Variants in ZNF331 observed in about 807,000 individuals in gnomAD.
ZNF331 encodes C2H2-like zinc finger protein rearranged in thyroid adenomas.
A neutral mutation model predicts 7.0 loss-of-function variants in ZNF331; 2 were observed. That is an observed-to-expected ratio of 0.29 (90% CI 0.12 to 0.90). The LOEUF is 0.90. ZNF331 is among the 40% of genes least tolerant of loss of function. The pLI, the probability that ZNF331 is intolerant of heterozygous loss-of-function variation, is 0.58. For synonymous variants in ZNF331, 196 were observed against 205.4 expected, an observed-to-expected ratio of 0.95 and a Z score of 0.39; for missense variants, 432 against 587.7, an observed-to-expected ratio of 0.74 and a Z score of 2.74.
chr19:53,562,559 A>G (rs1458720892), intron 3 of ZNF331, among the ~76,000 whole-genome samples: 1 of 150,856 alleles, frequency 6.6e-6, no homozygotes, highest in Non-Finnish European at 1.5e-5. Flanking sequence ...GCATGGTGGC[A>G]AGCGCCTATA....
chr19:53,538,793 T>G (rs947530894), intron 1 of ZNF331: 2 of 152,618 alleles, frequency 1.3e-5, no homozygotes, highest in African/African-American at 2.4e-5. Context: ...GATGCAGGTG[T>G]GTGTGACAGT....
chr19:53,556,104 G>T (rs574611816), intron 3 of ZNF331, among the ~76,000 whole-genome samples, 196 bp downstream of exon 3: 4 of 151,746 alleles, frequency 2.6e-5, no homozygotes, highest in African/African-American at 4.8e-5. Flanking sequence ...TTAGCCGGGA[G>T]TGGTGGTGGG....
chr19:53,567,239 C>A (rs943882067), intron 3 of ZNF331, among the ~76,000 whole-genome samples: 1 of 152,140 alleles, frequency 6.6e-6, no homozygotes, highest in African/African-American at 2.4e-5. Flanking sequence ...AAAAACAGTT[C>A]TGTATATTAC....
Position 53,569,297 on chromosome 19 carries a change from C to T in ZNF331, c.-73-7C>T. 1.3e-6 allele frequency: 2 copies of T among 1,529,980 alleles called. No homozygotes were observed. Among genetic ancestry groups the T allele is most frequent in the Admixed American group, 1.7e-5 (1 of 57,696 alleles). 94.8% of individuals were successfully genotyped at this position (1,529,980 alleles called of 1,614,324 possible). A position where few individuals can be genotyped will look rare whatever the true frequency, so the allele number is the denominator to read the frequency against. ...CCTCGTTTTAATCTCTTTTTTTCCA[C>T]CCCTAGCTCTAGCCTCTCGGAATTT... On this transcript the variant is annotated splice_region_variant and splice_polypyrimidine_tract_variant and intron_variant, in intron 3 of 5. Transcript: ENST00000449416.
At position 53,578,325 on chromosome 19, in the gene ZNF331, A is replaced by T. The variant is rs2090810514; in HGVS notation, c.*373A>T. 1 of 251,108 alleles carries T rather than the reference A, an allele frequency of 4.0e-6. No homozygotes were observed. Among genetic ancestry groups the T allele is most frequent in the African/African-American group, 2.2e-5 (1 of 45,982 alleles). 15.6% of individuals were successfully genotyped at this position (251,108 alleles called of 1,614,324 possible). On this transcript the variant is annotated 3_prime_UTR_variant, in exon 6 of 6. Coordinates refer to ENST00000449416, the MANE Select transcript of ZNF331 (RefSeq NM_001079906.2). ...AGGAGTAGTGATGCTGGTGATTCGG[A>T]TATGCCAAAGAGAAGCCACAAAGTG... is the stretch of plus-strand genomic sequence containing the variant.
the ZNF331 span, among the ~76,000 whole-genome samples, chr19:53,510,231 T>G: frequency 6.6e-6 from 1 of 152,202 alleles, no homozygotes; most frequent in Non-Finnish European, 1.5e-5. Context: ...CATGTATAGA[T>G]AGGCTTTCTT....
At position 53,564,075 on chromosome 19, in the gene ZNF331, T is replaced by G. The variant is rs1440959373; in HGVS notation, c.-73-5229T>G. Among the ~76,000 whole-genome samples the G allele has an allele frequency of 2.6e-3, 25 of 9,582 alleles. No individual in the cohort carries two copies. The African/African-American group carries it at 0.028, about 11-fold the overall frequency. 6.3% of individuals were successfully genotyped at this position (9,582 alleles called of 152,430 possible). A position where few individuals can be genotyped will look rare whatever the true frequency, so the allele number is the denominator to read the frequency against. ...AAAAAAGAGCACAGAGCCTGCATTCTTTTTTTTTTTTTTTTTTTTTGAGAC... is the reference window on the plus strand; with the variant it reads ...AAAAAAGAGCACAGAGCCTGCATTCGTTTTTTTTTTTTTTTTTTTTGAGAC... On this transcript the variant is annotated intron_variant, in intron 3 of 5. Transcript: ENST00000449416.
intron 2 of ZNF331, among the ~76,000 whole-genome samples, chr19:53,552,888 T>TA (rs1316545220): frequency 1.3e-5 from 2 of 152,180 alleles, no homozygotes. Context: ...GAGACAGTCA[T>TA]ACCTTATAGT....
chr19:53,526,754 A>G (rs1042401814), intron 2 of ZNF331, among the ~76,000 whole-genome samples: 1 of 149,502 alleles, frequency 6.7e-6, no homozygotes, highest in African/African-American at 2.4e-5. Context: ...GGGTTTCACC[A>G]TATTAGCCAG....
At chr19:53,570,754 AC>A (rs1268917294) in intron 4 of ZNF331, among the ~76,000 whole-genome samples, 3 of 150,022 alleles carry the variant, frequency 2.0e-5, no homozygotes, top group African/African-American at 7.4e-5. Context: ...CTGGTCTCGA[AC>A]CCCCAACCTC....
At position 53,577,227 on chromosome 19, in the gene ZNF331, G is replaced by T. The variant is rs780299061; in HGVS notation, c.667G>T (p.Ala223Ser). The change falls in exon 6 of 6, where the codon GCC (alanine) becomes TCC (serine). Residue 223 changes from alanine to serine, a missense_variant. Physicochemically the swap from Ala to Ser is moderately conservative, Grantham distance 99. Transcript: ENST00000449416. ...CTATGAATGTAAAGACTGTGGAAAG[G>T]CCTTTCGGCGTGGTGATGAGCTCAC... ...KPYECKDCGK[A>S]FRRGDELTQH... 3 of 1,613,918 alleles carry T rather than the reference G, an allele frequency of 1.9e-6. No individual in the cohort carries two copies. The highest frequency in any genetic ancestry group is 3.3e-5 in the Admixed American group (2 of 59,978).
At chr19:53,552,640 G>A (rs1460609583) in intron 2 of ZNF331, among the ~76,000 whole-genome samples, 6 of 152,312 alleles carry the variant, frequency 3.9e-5, no homozygotes, top group Admixed American at 3.3e-4. Context: ...GCTAAGGTGG[G>A]AGGATGACTT....
chr19:53,545,647 C>A (rs1346495518), intron 2 of ZNF331, among the ~76,000 whole-genome samples: 2 of 152,192 alleles, frequency 1.3e-5, no homozygotes, highest in African/African-American at 2.4e-5. Context: ...TCACAGTCTG[C>A]CACTTGTATT....
At chr19:53,545,346 A>G (rs2088525039) in intron 2 of ZNF331, among the ~76,000 whole-genome samples, 1 of 152,246 alleles carries the variant, frequency 6.6e-6, no homozygotes. Context: ...GAGCGTGACT[A>G]ACGGGGCATA....
exon 1 of ZNF331, chr19:53,521,177 G>A (rs1192251889): frequency 6.6e-6 from 1 of 152,270 alleles, no homozygotes; most frequent in African/African-American, 2.4e-5. Flanking sequence ...GTTAGGCCTC[G>A]AGCCGGGAGC....
chr19:53,523,951 C>T (rs2087191182), intron 2 of ZNF331, among the ~76,000 whole-genome samples: 2 of 152,170 alleles, frequency 1.3e-5, no homozygotes, highest in South Asian at 4.1e-4. Context: ...GTGTGATATT[C>T]ACCACCCTGT....
At chr19:53,537,320 T>G (rs1202206974), upstream of ZNF331, 1 of 152,252 alleles carries the variant, frequency 6.6e-6, no homozygotes, top group Non-Finnish European at 1.5e-5. Context: ...TTGTTTACAA[T>G]GCAGCAAGCA....
In ZNF331 at chr19:53,558,027, C is replaced by T. The variant is rs566133350; in HGVS notation, c.-74+2119C>T. ...GAAGCAAGCTGTAGTGGACATCAGC[C>T]GGATGTCCTGCAGTTCAGTTCTGAC... On this transcript the variant is annotated intron_variant, in intron 3 of 5. Coordinates refer to ENST00000449416, the MANE Select transcript of ZNF331 (RefSeq NM_001079906.2). The surrounding 1 kb of genome is among the most constrained non-coding windows in gnomAD (Gnocchi z 4.5). Among the ~76,000 whole-genome samples, 10 of 152,168 alleles carry T rather than the reference C, an allele frequency of 6.6e-5. No homozygotes were observed. The South Asian group carries it at 1.5e-3, about 22-fold the overall frequency.
intron 3 of ZNF331, among the ~76,000 whole-genome samples, chr19:53,556,285 T>C (rs2089422921): frequency 6.7e-6 from 1 of 150,060 alleles, no homozygotes; most frequent in African/African-American, 2.4e-5. Context: ...GAATTAGACG[T>C]TTTGTAAATA....
Sources: allele counts gnomAD v4.1 joint callset (sites outside exome capture counted in the v4.1 genomes callset), GRCh38; gene constraint gnomAD v4.1.1; non-coding constraint Gnocchi (gnomAD v3.1); transcripts MANE v1.5; gene names NCBI Gene and HGNC (gene_info 2026-07-23, HGNC 2026-07-21).